Variants in RYR2 observed in about 807,000 individuals in gnomAD.
RYR2 encodes ryanodine receptor 2.
RYR2 carries 227 observed loss-of-function variants against 601.1 expected under a neutral mutation model. The observed-to-expected ratio is 0.38, with a 90% CI of 0.34 to 0.42. RYR2 has a LOEUF of 0.42. Ranked by LOEUF, RYR2 falls within the 10% of genes least tolerant of loss-of-function variation. The pLI is 1.00. For synonymous variants in RYR2, 2,223 were observed against 2,175.1 expected (o/e 1.02, Z -0.61); for missense variants, 4,646 against 6,156.5 (o/e 0.75, Z 8.21).
chr1:237,614,155 T>C lies in RYR2; in HGVS notation c.5027T>C (p.Leu1676Pro). ...GGGAACCACCGGGTGGCCCATGCCC[T>C]GTGCAGCCATGTGGATGAACCTCAG... ...ALGNHRVAHA[L>P]CSHVDEPQLL... The change falls in exon 37 of 105, where the codon CTG becomes CCG. Residue 1676 changes from leucine (L) to proline (P), a missense_variant. Coordinates refer to ENST00000366574, the MANE Select transcript of RYR2 (RefSeq NM_001035.3). The surrounding 1 kb of genome is among the most constrained non-coding windows in gnomAD (Gnocchi z 4.3). 1 of 1,614,064 alleles carries C rather than the reference T, an allele frequency of 6.2e-7. No individual in the cohort carries two copies. The highest frequency in any genetic ancestry group is 8.5e-7 in the Non-Finnish European group (1 of 1,179,900).
chr1:237,231,252 C>G (rs1293154833), intron 1 of RYR2, among the ~76,000 whole-genome samples: 2 of 151,824 alleles, frequency 1.3e-5, no homozygotes, highest in Non-Finnish European at 2.9e-5. Flanking sequence ...AGAACTTCCT[C>G]AACACATTTA....
In RYR2 at chr1:237,187,443, C is replaced by CT. The variant is rs10686110; in HGVS notation, c.49-83035dup. On this transcript the variant is annotated intron_variant, in intron 1 of 104. Transcript: ENST00000366574. ...GGCGTGAGCCAACACGCCCGGCCGA[C>CT]TTTTTTTTTTTTTTTTTTTGAGACA... 4.5e-4 allele frequency among the ~76,000 whole-genome samples: 39 copies of CT among 86,786 alleles called. 5 individuals carry two copies. The highest frequency in any genetic ancestry group is 1.6e-3 in the African/African-American group (36 of 22,578). 56.9% of individuals were successfully genotyped at this position (86,786 alleles called of 152,430 possible).
chr1:237,683,638 G>T (rs1686091189), intron 62 of RYR2, among the ~76,000 whole-genome samples: 1 of 152,144 alleles, frequency 6.6e-6, no homozygotes, highest in African/African-American at 2.4e-5. Flanking sequence ...AGATGGTAAT[G>T]GATATTAACT....
chr1:237,127,785 TG>T (rs1457372501), intron 1 of RYR2, among the ~76,000 whole-genome samples: 2 of 121,286 alleles, frequency 1.6e-5, no homozygotes, highest in Admixed American at 8.3e-5. Flanking sequence ...TCCCAGACAA[TG>T]GGCGGCCGGG....
At position 237,199,461 on chromosome 1, in the gene RYR2, G is replaced by A. The variant is rs1008553453; in HGVS notation, c.49-71036G>A. 5.9e-5 allele frequency among the ~76,000 whole-genome samples: 9 copies of A among 152,332 alleles called. No homozygotes were observed. In the East Asian group the frequency reaches 9.6e-4, roughly 16 times the overall value. ...TTTGAGGGCAGGAAGCATCCAGCACGGGAGAAAGATGGGGGCCAGGAGACT... is the reference window on the plus strand; with the variant it reads ...TTTGAGGGCAGGAAGCATCCAGCACAGGAGAAAGATGGGGGCCAGGAGACT... On this transcript the variant is annotated intron_variant, in intron 1 of 104. Coordinates refer to ENST00000366574, the MANE Select transcript of RYR2 (RefSeq NM_001035.3).
chr1:237,545,965 T>C (rs1480695912), intron 25 of RYR2, among the ~76,000 whole-genome samples: 1 of 149,970 alleles, frequency 6.7e-6, no homozygotes, highest in Non-Finnish European at 1.5e-5. Context: ...ATGTTTTGGG[T>C]TTTTTTTAAT....
chr1:237,763,455 C>T (rs112765871), intron 84 of RYR2, among the ~76,000 whole-genome samples: 205 of 152,316 alleles, frequency 1.3e-3, no homozygotes, highest in African/African-American at 4.6e-3. Flanking sequence ...TTCCTCTATT[C>T]CTTTGAAAAT....
chr1:237,591,994 C>T, intron 32 of RYR2, 141 bp downstream of exon 32: 1 of 681,494 alleles, frequency 1.5e-6, no homozygotes, highest in Non-Finnish European at 2.4e-6. Flanking sequence ...ATTTTGGGGA[C>T]TGAAAGTTTG....
rs111267496 is a variant in RYR2, at chr1:237,610,620, A to G, written c.4684-142A>G. 1,680 of 678,072 alleles carry G rather than the reference A, an allele frequency of 2.5e-3. 17 individuals carry two copies. In the African/African-American group the frequency reaches 0.028, roughly 11 times the overall value. The allele number at this position is 678,072 out of a possible 1,614,324, so 42.0% of individuals were successfully genotyped here. On this transcript the variant is annotated intron_variant, in intron 35 of 104. Coordinates refer to ENST00000366574, the MANE Select transcript of RYR2 (RefSeq NM_001035.3). This position sits in a 1 kb window ranked among gnomAD's most constrained non-coding sequence, Gnocchi z 4.9. ...TCAGAAACTTTTCAACCCAATTTCT[A>G]TGATTTCTTGTGTTGACTTTGCTTG...
At chr1:237,162,762 T>A (rs1676175151) in intron 1 of RYR2, among the ~76,000 whole-genome samples, 1 of 152,168 alleles carries the variant, frequency 6.6e-6, no homozygotes, top group Non-Finnish European at 1.5e-5. Context: ...GTACTTAGCC[T>A]GTTAAGTAGA....
At chr1:237,485,533 G>A in intron 17 of RYR2, among the ~76,000 whole-genome samples, 1 of 152,174 alleles carries the variant, frequency 6.6e-6, no homozygotes, top group East Asian at 1.9e-4. Context: ...ACCAAATGAG[G>A]TAACTTTCAA....
intron 1 of RYR2, among the ~76,000 whole-genome samples, chr1:237,114,461 TG>T (rs1669838971): frequency 6.6e-6 from 1 of 152,230 alleles, no homozygotes; most frequent in African/African-American, 2.4e-5. Flanking sequence ...TAAAGAAGTT[TG>T]TATTTCAGAG....
At chr1:237,577,498 T>TTC (rs1673362001) in intron 29 of RYR2, among the ~76,000 whole-genome samples, 3 of 133,394 alleles carry the variant, frequency 2.2e-5, no homozygotes, top group Non-Finnish European at 5.0e-5. Flanking sequence ...GAGTGTGTGT[T>TTC]TCTGTGTGTG....
intron 51 of RYR2, among the ~76,000 whole-genome samples, chr1:237,651,912 C>T (rs1204630832): frequency 6.6e-6 from 1 of 152,092 alleles, no homozygotes; most frequent in Non-Finnish European, 1.5e-5. Context: ...TGGTGGGTGC[C>T]TGTAGGCCCA....
At chr1:237,231,144 T>G (rs1684955400) in intron 1 of RYR2, among the ~76,000 whole-genome samples, 1 of 152,160 alleles carries the variant, frequency 6.6e-6, no homozygotes, top group South Asian at 2.1e-4. Context: ...ATCTGTCATT[T>G]TCGTGTGTCT....
intron 32 of RYR2, among the ~76,000 whole-genome samples, chr1:237,592,763 G>A (rs543866560): frequency 4.6e-5 from 7 of 152,120 alleles, no homozygotes; most frequent in Non-Finnish European, 8.8e-5. Flanking sequence ...ACTCGCGCCT[G>A]TAATCCCAGA....
intron 2 of RYR2, among the ~76,000 whole-genome samples, chr1:237,294,208 TGA>T (rs1303801585): frequency 6.6e-6 from 1 of 152,158 alleles, no homozygotes; most frequent in East Asian, 1.9e-4. Context: ...ACTGGGGAAG[TGA>T]GCAAGTGTAC....
At chr1:237,474,284 CATATAT>C (rs1553465107) in intron 17 of RYR2, among the ~76,000 whole-genome samples, 2 of 48,578 alleles carry the variant, frequency 4.1e-5, no homozygotes, top group Non-Finnish European at 1.4e-4. Flanking sequence ...CACACACACA[CATATAT>C]ATATATACAC....
At chr1:237,224,727 A>T (rs755706508) in intron 1 of RYR2, among the ~76,000 whole-genome samples, 1 of 152,134 alleles carries the variant, frequency 6.6e-6, no homozygotes, top group Non-Finnish European at 1.5e-5. Context: ...AGGTGTGGTG[A>T]TACACACCTA....
Sources: allele counts gnomAD v4.1 joint callset (sites outside exome capture counted in the v4.1 genomes callset), GRCh38; gene constraint gnomAD v4.1.1; non-coding constraint Gnocchi (gnomAD v3.1); transcripts MANE v1.5; gene names NCBI Gene and HGNC (gene_info 2026-07-23, HGNC 2026-07-21).